GRIN2A: variants seen among roughly 807,000 people sequenced by gnomAD.
GRIN2A encodes glutamate receptor ionotropic, NMDA 2A.
A neutral mutation model predicts 113.4 loss-of-function variants in GRIN2A; 22 were observed. The observed-to-expected ratio is 0.19, with a 90% CI of 0.14 to 0.28. The LOEUF (loss-of-function observed/expected upper bound fraction) is 0.28, where lower values mean the gene tolerates loss of function less well. GRIN2A is among the 10% of genes least tolerant of loss of function. The pLI, the probability that GRIN2A is intolerant of heterozygous loss-of-function variation, is 1.00. For synonymous variants in GRIN2A, 827 were observed against 738.4 expected (o/e 1.12, Z -1.94); for missense variants, 1,502 against 1,887.0 (o/e 0.80, Z 3.78).
chr16:10,017,046 C>T (rs1241112512), intron 2 of GRIN2A, among the ~76,000 whole-genome samples: 1 of 152,188 alleles, frequency 6.6e-6, no homozygotes, highest in Non-Finnish European at 1.5e-5. Context: ...GCCTATGGGC[C>T]TCTTTCTGTC....
intron 10 of GRIN2A, among the ~76,000 whole-genome samples, chr16:9,802,854 G>T (rs926708990): frequency 1.3e-5 from 2 of 152,220 alleles, no homozygotes; most frequent in South Asian, 2.1e-4. Context: ...AATGTAGGGG[G>T]TCCCACGTGC....
intron 2 of GRIN2A, among the ~76,000 whole-genome samples, chr16:10,058,295 A>C (rs2047490471): frequency 8.0e-6 from 1 of 125,590 alleles, no homozygotes; most frequent in Non-Finnish European, 1.9e-5. Context: ...ACAAAAAAAC[A>C]AAAAACAAAA....
intron 2 of GRIN2A, among the ~76,000 whole-genome samples, chr16:10,090,071 A>G (rs1457901161): frequency 1.3e-5 from 2 of 152,182 alleles, no homozygotes; most frequent in East Asian, 3.8e-4. Flanking sequence ...TTTAGTATTT[A>G]GGACCTACCA....
At position 9,762,632 on chromosome 16, in the gene GRIN2A, A is replaced by C. The variant is rs1199205076; in HGVS notation, c.*517T>G. ...GAAAGCTGAAACTGTTACGAGCCAA[A>C]CTTCCTAATCTCTTGCACATGTCAA... On this transcript the variant is annotated 3_prime_UTR_variant, in exon 13 of 13. Coordinates refer to ENST00000330684, the MANE Select transcript of GRIN2A (RefSeq NM_001134407.3). The C allele has an allele frequency of 4.2e-6, 1 of 240,618 alleles. No individual in the cohort carries two copies. Among genetic ancestry groups the C allele is most frequent in the East Asian group, 6.0e-5 (1 of 16,590 alleles). 14.9% of individuals were successfully genotyped at this position (240,618 alleles called of 1,614,324 possible). A position where few individuals can be genotyped will look rare whatever the true frequency, so the allele number is the denominator to read the frequency against.
intron 2 of GRIN2A, among the ~76,000 whole-genome samples, chr16:9,948,191 C>T (rs1216050370): frequency 1.3e-5 from 2 of 152,122 alleles, no homozygotes; most frequent in Admixed American, 6.6e-5. Context: ...CAGTCGATCA[C>T]ACAGAGATCT....
chr16:9,768,800 C>G, intron 12 of GRIN2A, 51 bp downstream of exon 12: 1 of 1,299,022 alleles, frequency 7.7e-7, no homozygotes, highest in Non-Finnish European at 1.1e-6. Context: ...AACCCAAGCG[C>G]TTTTCTAAAC....
intron 2 of GRIN2A, among the ~76,000 whole-genome samples, chr16:9,967,063 C>A (rs75695733): frequency 0.02 from 3,009 of 152,200 alleles, 72 homozygotes; most frequent in East Asian, 0.13. Context: ...GACTCATGTT[C>A]GACACTTCAG....
At chr16:9,871,833 C>T (rs2043267601) in intron 4 of GRIN2A, among the ~76,000 whole-genome samples, 1 of 152,160 alleles carries the variant, frequency 6.6e-6, no homozygotes, top group Admixed American at 6.5e-5. Context: ...TCGCTTCCCA[C>T]TTAAATTCTC....
chr16:10,154,424 G>A (rs1451846319), intron 2 of GRIN2A, among the ~76,000 whole-genome samples: 1 of 152,102 alleles, frequency 6.6e-6, no homozygotes, highest in East Asian at 1.9e-4. Flanking sequence ...CTTTGCCTGT[G>A]GCACTTAATG....
chr16:9,826,289 T>C (rs1472299026), intron 9 of GRIN2A, among the ~76,000 whole-genome samples: 1 of 152,206 alleles, frequency 6.6e-6, no homozygotes, highest in African/African-American at 2.4e-5. Context: ...CTCCCAGAGA[T>C]GGATTTCCTC....
rs1226843957 is a variant in GRIN2A, at chr16:9,764,625, A to T, written c.2919T>A (p.Asp973Glu). The T allele has an allele frequency of 1.2e-6, 2 of 1,614,020 alleles. No individual in the cohort carries two copies. Among genetic ancestry groups the T allele is most frequent in the Non-Finnish European group, 1.7e-6 (2 of 1,180,030 alleles). Reference protein sequence around the residue: ...LQTFVANRQKDNLNNYVFQGQ... With the variant: ...LQTFVANRQKENLNNYVFQGQ... ...CCTGGAATACATAGTTATTGAGGTT[A>T]TCCTTCTGCCGGTTGGCCACAAATG... is the stretch of plus-strand genomic sequence containing the variant. The change falls in exon 13 of 13, where the codon GAT (aspartate) becomes GAA (glutamate). Residue 973 changes from aspartate to glutamate, a missense_variant. Asp to Glu is a conservative substitution (Grantham distance 45, BLOSUM62 2). This residue lies in a region of GRIN2A where 832 missense variants were observed against 789.7 expected (regional missense o/e 1.05). Coordinates refer to ENST00000330684, the MANE Select transcript of GRIN2A (RefSeq NM_001134407.3).
intron 2 of GRIN2A, among the ~76,000 whole-genome samples, chr16:10,107,051 A>T (rs2048513637): frequency 6.6e-6 from 1 of 152,176 alleles, no homozygotes; most frequent in South Asian, 2.1e-4. Context: ...AGAAATCTTT[A>T]CCCCTAAGGG....
intron 4 of GRIN2A, among the ~76,000 whole-genome samples, chr16:9,873,395 A>T (rs1163676214): frequency 6.6e-6 from 1 of 152,204 alleles, no homozygotes; most frequent in Admixed American, 6.5e-5. Flanking sequence ...CAAGTCACCA[A>T]CCTGAATGCC....
At chr16:9,831,779 G>T (rs1366307592) in intron 8 of GRIN2A, among the ~76,000 whole-genome samples, 2 of 151,984 alleles carry the variant, frequency 1.3e-5, no homozygotes, top group African/African-American at 4.8e-5. Flanking sequence ...GCCTCCCAAA[G>T]TGCTGGGATT....
At chr16:10,050,324 T>G (rs1279365566) in intron 2 of GRIN2A, among the ~76,000 whole-genome samples, 1 of 152,108 alleles carries the variant, frequency 6.6e-6, no homozygotes, top group Non-Finnish European at 1.5e-5. Context: ...CCATGACCTA[T>G]TAGGAACTGG....
chr16:10,095,730 T>G (rs1047170889), intron 2 of GRIN2A, among the ~76,000 whole-genome samples: 3 of 152,140 alleles, frequency 2.0e-5, no homozygotes, highest in African/African-American at 7.2e-5. Flanking sequence ...AAAGAGGAAA[T>G]AGCAACTTTA....
In GRIN2A at chr16:9,758,298, A is replaced by G. The variant is rs1900440643; in HGVS notation, c.*4851T>C. On this transcript the variant is annotated 3_prime_UTR_variant, in exon 13 of 13. Coordinates refer to ENST00000330684, the MANE Select transcript of GRIN2A (RefSeq NM_001134407.3). ...TTTGATGTGTTTAAGGAAATCACAC[A>G]CAAGTCCATATCGGCATTGTCTTCA... 4.5e-6 allele frequency: 1 copy of G among 224,514 alleles called. No homozygotes were observed. Among genetic ancestry groups the G allele is most frequent in the African/African-American group, 2.2e-5 (1 of 44,844 alleles). 13.9% of individuals were successfully genotyped at this position (224,514 alleles called of 1,614,324 possible). A position where few individuals can be genotyped will look rare whatever the true frequency, so the allele number is the denominator to read the frequency against.
intron 2 of GRIN2A, among the ~76,000 whole-genome samples, chr16:10,031,066 T>C (rs1156599832): frequency 6.6e-6 from 1 of 152,154 alleles, no homozygotes; most frequent in Non-Finnish European, 1.5e-5. Context: ...GGGCCAGAAT[T>C]TGAGAAGAGA....
chr16:10,165,227 ATCTGAAAGCC>A (rs2049888296), intron 2 of GRIN2A, among the ~76,000 whole-genome samples: 1 of 152,132 alleles, frequency 6.6e-6, no homozygotes, highest in Non-Finnish European at 1.5e-5. Flanking sequence ...TTTACAAGTA[ATCTGAAAGCC>A]TCATGATAAA....
Sources: allele counts gnomAD v4.1 joint callset (sites outside exome capture counted in the v4.1 genomes callset), GRCh38; gene constraint gnomAD v4.1.1; regional missense constraint gnomAD v4.1.1; transcripts MANE v1.5; gene names NCBI Gene and HGNC (gene_info 2026-07-23, HGNC 2026-07-21).